Variants in GRIA4 observed in about 807,000 individuals in gnomAD.
GRIA4 encodes glutamate receptor 4.
In GRIA4, 34 loss-of-function variants were observed where a neutral mutation model predicts 104.0. The observed-to-expected ratio is 0.33, with a 90% CI of 0.25 to 0.44. GRIA4 has a LOEUF of 0.44. Among genes scored for constraint, GRIA4 ranks in the 20% least tolerant of loss-of-function variants. The pLI, the probability that GRIA4 is intolerant of heterozygous loss-of-function variation, is 1.00. For missense variants in GRIA4, 750 were observed against 1,096.5 expected (o/e 0.68, Z 4.46); for synonymous variants, 386 against 381.9 (o/e 1.01, Z -0.13).
intron 3 of GRIA4, among the ~76,000 whole-genome samples, chr11:105,672,348 A>G (rs1952401932): frequency 6.6e-6 from 1 of 152,124 alleles, no homozygotes; most frequent in African/African-American, 2.4e-5. Context: ...CACCTTTAGA[A>G]AGCATATTCA....
intron 3 of GRIA4, among the ~76,000 whole-genome samples, chr11:105,726,083 A>G (rs1938189987): frequency 6.6e-6 from 1 of 152,090 alleles, no homozygotes; most frequent in South Asian, 2.1e-4. Flanking sequence ...CCAGGGAGCC[A>G]AGTGGTCTTG....
chr11:105,922,549 C>G (rs946072228), intron 11 of GRIA4, among the ~76,000 whole-genome samples: 1 of 152,084 alleles, frequency 6.6e-6, no homozygotes, highest in African/African-American at 2.4e-5. Context: ...GAATATCCCT[C>G]AAACTTAATA....
At chr11:105,644,415 A>G (rs1332567710) in intron 3 of GRIA4, among the ~76,000 whole-genome samples, 1 of 150,338 alleles carries the variant, frequency 6.7e-6, no homozygotes, top group African/African-American at 2.5e-5. Context: ...TACATAGTGA[A>G]ACCCTGTCTC....
chr11:105,907,209 A>G (rs1433988756), intron 9 of GRIA4, among the ~76,000 whole-genome samples: 1 of 152,174 alleles, frequency 6.6e-6, no homozygotes, highest in Non-Finnish European at 1.5e-5. Flanking sequence ...TCAAAGAGAA[A>G]CTTAAGGAGT....
At chr11:105,951,892 G>A (rs1421800780) in intron 14 of GRIA4, among the ~76,000 whole-genome samples, 2 of 152,094 alleles carry the variant, frequency 1.3e-5, no homozygotes, top group African/African-American at 4.8e-5. Flanking sequence ...AGCCTCGGGA[G>A]GTCAGGGCTG....
At chr11:105,851,080 C>A (rs992303416) in intron 4 of GRIA4, among the ~76,000 whole-genome samples, 4 of 152,126 alleles carry the variant, frequency 2.6e-5, no homozygotes, top group Admixed American at 2.6e-4. Flanking sequence ...ATAAAACTAA[C>A]ACCATGCCAA....
At chr11:105,920,561 C>T (rs1349658485) in intron 11 of GRIA4, among the ~76,000 whole-genome samples, 1 of 152,016 alleles carries the variant, frequency 6.6e-6, no homozygotes, top group Non-Finnish European at 1.5e-5. Flanking sequence ...AGCCCAGACT[C>T]GCTCTTTTGC....
At chr11:105,634,149 C>A (rs1951113414) in intron 3 of GRIA4, among the ~76,000 whole-genome samples, 1 of 151,958 alleles carries the variant, frequency 6.6e-6, no homozygotes, top group Non-Finnish European at 1.5e-5. Context: ...GAGTTCAGGA[C>A]AAGCCTGGGC....
intron 10 of GRIA4, among the ~76,000 whole-genome samples, chr11:105,911,301 T>C (rs534825313): frequency 4.6e-5 from 7 of 152,042 alleles, no homozygotes; most frequent in Admixed American, 3.3e-4. Flanking sequence ...TTTTAAATAA[T>C]AGAATATCTT....
At chr11:105,712,968 G>A (rs765890377) in intron 3 of GRIA4, among the ~76,000 whole-genome samples, 10 of 152,048 alleles carry the variant, frequency 6.6e-5, no homozygotes, top group Non-Finnish European at 1.2e-4. Flanking sequence ...TTTAATACAT[G>A]ATGAGATATT....
chr11:105,954,847 C>T (rs961242508), intron 14 of GRIA4, among the ~76,000 whole-genome samples: 2 of 151,040 alleles, frequency 1.3e-5, no homozygotes, highest in African/African-American at 4.9e-5. Flanking sequence ...AAAGTTGAGA[C>T]CACTGGTGTA....
At chr11:105,615,902 A>G (rs978925682) in intron 3 of GRIA4, among the ~76,000 whole-genome samples, 11 of 151,960 alleles carry the variant, frequency 7.2e-5, no homozygotes, top group African/African-American at 2.6e-4. Context: ...TGCAAAAGAT[A>G]AATATATTTT....
intron 5 of GRIA4, among the ~76,000 whole-genome samples, chr11:105,883,958 T>C (rs1481328730): frequency 1.3e-5 from 2 of 152,078 alleles, no homozygotes; most frequent in Admixed American, 1.3e-4. Context: ...AACAGACACA[T>C]GAAAAAATGC....
intron 14 of GRIA4, among the ~76,000 whole-genome samples, chr11:105,966,851 A>C (rs938451022): frequency 6.6e-6 from 1 of 152,158 alleles, no homozygotes; most frequent in Admixed American, 6.5e-5. Flanking sequence ...ACCCGATCTA[A>C]AAAGCCTTTC....
chr11:105,640,269 C>G (rs903707986), intron 3 of GRIA4, among the ~76,000 whole-genome samples: 1 of 151,796 alleles, frequency 6.6e-6, no homozygotes, highest in African/African-American at 2.4e-5. Context: ...ATTTTAAAAT[C>G]TCATATTTTT....
rs1952605957 is a variant in GRIA4, at chr11:105,678,319, CACTT to C, written c.247+65887_247+65890del. On this transcript the variant is annotated intron_variant, in intron 3 of 16. Coordinates refer to ENST00000282499, the MANE Select transcript of GRIA4 (RefSeq NM_000829.4). ...GCATTGATTACAATGTTTTCCTTCT[CACTT>C]AGAACTATAATGCTCCTTACCCATT... 2.0e-5 allele frequency among the ~76,000 whole-genome samples: 3 copies of C among 152,124 alleles called. No individual in the cohort carries two copies. In the South Asian group the frequency reaches 6.2e-4, roughly 32 times the overall value.
intron 3 of GRIA4, among the ~76,000 whole-genome samples, chr11:105,634,455 GAAA>G (rs1419002233): frequency 2.5e-4 from 33 of 134,054 alleles, no homozygotes; most frequent in African/African-American, 8.6e-4. Context: ...GAAGGAGAAA[GAAA>G]GAAAGAAAGG....
intron 3 of GRIA4, among the ~76,000 whole-genome samples, chr11:105,723,156 G>A (rs1437632306): frequency 1.3e-5 from 1 of 77,540 alleles, no homozygotes; most frequent in Non-Finnish European, 2.5e-5. Context: ...TCTCAGCAGT[G>A]AGCAATCAAT....
intron 13 of GRIA4, among the ~76,000 whole-genome samples, chr11:105,932,288 G>T (rs1037933858): frequency 6.6e-6 from 1 of 151,934 alleles, no homozygotes; most frequent in Non-Finnish European, 1.5e-5. Context: ...ACAGGCATGC[G>T]CTGCTATGCC....
Sources: allele counts gnomAD v4.1 joint callset (sites outside exome capture counted in the v4.1 genomes callset), GRCh38; gene constraint gnomAD v4.1.1; transcripts MANE v1.5; gene names NCBI Gene and HGNC (gene_info 2026-07-23, HGNC 2026-07-21).